SHANK1: variants seen among roughly 807,000 people sequenced by gnomAD.
SHANK1 encodes SH3 and multiple ankyrin repeat domains protein 1.
In SHANK1, 35 loss-of-function variants were observed where a neutral mutation model predicts 165.6. The observed-to-expected ratio is 0.21, with a 90% CI of 0.16 to 0.28. The LOEUF (loss-of-function observed/expected upper bound fraction) is 0.28. Among genes scored for constraint, SHANK1 ranks in the 10% least tolerant of loss-of-function variants. The probability of loss-of-function intolerance (pLI) is 1.00; values close to 1 mark genes in which losing one functional copy is unlikely to be tolerated. For synonymous variants in SHANK1, 1,428 were observed against 1,384.8 expected (o/e 1.03, Z -0.69); for missense variants, 2,681 against 3,036.4 (o/e 0.88, Z 2.75).
rs1468666109 is a variant in SHANK1 at position 50,697,916 on chromosome 19, G to A, written c.1788C>T (p.Val596=). 1 of 1,614,086 alleles carries A rather than the reference G, an allele frequency of 6.2e-7. No individual in the cohort carries two copies. The highest frequency in any genetic ancestry group is 2.2e-5 in the East Asian group (1 of 44,886). ...IGEGGFWEGQ[V]KGRVGWFPSD... is the part of the protein sequence containing the mutation. ...AGGGGAACCAGCCAACACGACCTTTGACCTGGCCTTCCCAGAAGCCTCCTT... is the reference window on the plus strand; with the variant it reads ...AGGGGAACCAGCCAACACGACCTTTAACCTGGCCTTCCCAGAAGCCTCCTT... The change falls in exon 13 of 24, where the codon GTC becomes GTT. Residue 596 remains valine (V), a synonymous_variant. Coordinates refer to ENST00000293441, the MANE Select transcript of SHANK1 (RefSeq NM_016148.5). The surrounding 1 kb of genome is among the most constrained non-coding windows in gnomAD (Gnocchi z 4.7).
At chr19:50,714,151 T>C in intron 5 of SHANK1, 31 bp downstream of exon 5, 1 of 1,599,922 alleles carries the variant, frequency 6.3e-7, no homozygotes, top group Non-Finnish European at 8.6e-7. Flanking sequence ...GTCCTGGCCC[T>C]GAGGTCCTCC....
intron 21 of SHANK1, among the ~76,000 whole-genome samples, chr19:50,679,126 A>ATGGGGAGGGGTCAGGGTG (rs1986086559): frequency 5.1e-5 from 4 of 78,032 alleles, no homozygotes; most frequent in Admixed American, 1.8e-4. Flanking sequence ...GGTCAGGGTG[A>ATGGGGAGGGGTCAGGGTG]TGGGGAGGGG....
At chr19:50,694,381 GA>G (rs1986654795) in intron 15 of SHANK1, among the ~76,000 whole-genome samples, 1 of 150,824 alleles carries the variant, frequency 6.6e-6, no homozygotes, top group Non-Finnish European at 1.5e-5. Context: ...TGAATGGGGG[GA>G]CTTGCCAACA....
Position 50,666,420 on chromosome 19 carries a change from G to C in SHANK1, c.5540C>G (p.Pro1847Arg). The change falls in exon 23 of 24, where the codon CCG becomes CGG. Residue 1847 changes from proline to arginine, a missense_variant. This residue lies in a region of SHANK1 where 1,713 missense variants were observed against 1,630.2 expected (regional missense o/e 1.05). Coordinates refer to ENST00000293441, the MANE Select transcript of SHANK1 (RefSeq NM_016148.5). ...CAAGGGCCCGGGCAGAGGTGGTGGC[G>C]GTGGGCCCGGGCCCTCCTCCCAGGG... ...LLPWEEGPGP[P>R]PPPLPGPLAQ... 3.1e-6 allele frequency: 5 copies of C among 1,611,222 alleles called. No homozygotes were observed. The highest frequency in any genetic ancestry group is 4.2e-6 in the Non-Finnish European group (5 of 1,179,218).
Position 50,668,265 on chromosome 19 carries a change from A to G in SHANK1, c.3695T>C (p.Phe1232Ser). The G allele has an allele frequency of 7.1e-7, 1 of 1,411,860 alleles. No homozygotes were observed. The highest frequency in any genetic ancestry group is 2.9e-5 in the East Asian group (1 of 34,932). The allele number at this position is 1,411,860 out of a possible 1,614,324, so 87.5% of individuals were successfully genotyped here. ...GGCCGCCCCCACCAGGGCGGCCCCG[A>G]ACTGGCTCGTGAAGTCCAGCGTGGC... ...GPATLDFTSQ[F>S]GAALVGAARR... Residue 1232 changes from phenylalanine to serine, a missense_variant, in exon 23 of 24, where the codon TTC becomes TCC. Phe to Ser is a radical substitution (Grantham distance 155, BLOSUM62 -2). Transcript: ENST00000293441.
At chr19:50,698,361 C>T (rs1176229736) in intron 12 of SHANK1, among the ~76,000 whole-genome samples, 1 of 152,150 alleles carries the variant, frequency 6.6e-6, no homozygotes, top group Non-Finnish European at 1.5e-5. Context: ...TCCCTGCCAC[C>T]TCCCAAAGTC....
intron 21 of SHANK1, among the ~76,000 whole-genome samples, chr19:50,675,668 A>T (rs527461572): frequency 1.3e-5 from 2 of 152,166 alleles, no homozygotes; most frequent in Non-Finnish European, 2.9e-5. Flanking sequence ...CATTGGTCAG[A>T]TGGAGGTAAG....
At chr19:50,671,173 T>C (rs1985777872) in intron 22 of SHANK1, among the ~76,000 whole-genome samples, 1 of 141,898 alleles carries the variant, frequency 7.0e-6, no homozygotes, top group Non-Finnish European at 1.5e-5. Context: ...CATTATTTTT[T>C]TTCACTCTTT....
At chr19:50,704,019 C>T in intron 10 of SHANK1, 101 bp downstream of exon 10, 1 of 1,264,860 alleles carries the variant, frequency 7.9e-7, no homozygotes. Context: ...TTTTCTCCAT[C>T]CTATCCTGGC....
In SHANK1 at chr19:50,667,756, C is replaced by T. The variant is rs1044126828; in HGVS notation, c.4204G>A (p.Glu1402Lys). The T allele has an allele frequency of 1.2e-5, 12 of 986,662 alleles. No individual in the cohort carries two copies. The highest frequency in any genetic ancestry group is 4.4e-4 in the Middle Eastern group (1 of 2,272). The allele number at this position is 986,662 out of a possible 1,614,324, so 61.1% of individuals were successfully genotyped here. The change falls in exon 23 of 24, where the codon GAG (glutamate) becomes AAG (lysine). Residue 1402 changes from glutamate to lysine, a missense_variant. Around this residue, in one of 10 missense-constraint regions of SHANK1, gnomAD observed 1,713 missense variants for 1,630.2 expected, o/e 1.05. Coordinates refer to ENST00000293441, the MANE Select transcript of SHANK1 (RefSeq NM_016148.5). The surrounding 1 kb of genome is among the most constrained non-coding windows in gnomAD (Gnocchi z 5.7). Reference protein sequence around the residue: ...PHHHSPHAHHEPVLRLWGASP... With the variant: ...PHHHSPHAHHKPVLRLWGASP... Reference sequence around the variant, plus strand: ...GCCCCCCAGAGACGCAGCACTGGCTCGTGGTGGGCGTGGGGCGAGTGGTGG... The same window carrying T: ...GCCCCCCAGAGACGCAGCACTGGCTTGTGGTGGGCGTGGGGCGAGTGGTGG...
In SHANK1 at chr19:50,668,050, C is replaced by A; in HGVS notation, c.3910G>T (p.Ala1304Ser). Residue 1304 changes from alanine to serine, a missense_variant, in exon 23 of 24, where the codon GCG becomes TCG. Physicochemically the swap from Ala to Ser is moderately conservative, Grantham distance 99 (BLOSUM62 1). Coordinates refer to ENST00000293441, the MANE Select transcript of SHANK1 (RefSeq NM_016148.5). ...CCGCCGTAGCCCGCGCCGCTGCCCGCAGACTCCAGTCGGAGGTAGGGCTCG... is the reference window on the plus strand; with the variant it reads ...CCGCCGTAGCCCGCGCCGCTGCCCGAAGACTCCAGTCGGAGGTAGGGCTCG... The part of the protein sequence containing the change: ...SAEPYLRLES[A>S]GSGAGYGGYG... 6.8e-7 allele frequency: 1 copy of A among 1,479,624 alleles called. No homozygotes were observed. The highest frequency in any genetic ancestry group is 8.9e-7 in the Non-Finnish European group (1 of 1,120,510). The allele number at this position is 1,479,624 out of a possible 1,614,324, so 91.7% of individuals were successfully genotyped here. A position where few individuals can be genotyped will look rare whatever the true frequency, so the allele number is the denominator to read the frequency against.
chr19:50,659,442 C>T lies in SHANK1; in HGVS notation c.*2523G>A. ...TGTACGTGGACGCCTGGGTCCCAATCCCTTGAGGGATGAACTGAAGCCCGC... is the reference window on the plus strand; with the variant it reads ...TGTACGTGGACGCCTGGGTCCCAATTCCTTGAGGGATGAACTGAAGCCCGC... On this transcript the variant is annotated 3_prime_UTR_variant, in exon 24 of 24. Coordinates refer to ENST00000293441, the MANE Select transcript of SHANK1 (RefSeq NM_016148.5). 1 of 247,916 alleles carries T rather than the reference C, an allele frequency of 4.0e-6. No individual in the cohort carries two copies. The highest frequency in any genetic ancestry group is 7.6e-6 in the Non-Finnish European group (1 of 131,038). 15.4% of individuals were successfully genotyped at this position (247,916 alleles called of 1,614,324 possible).
rs1254900480 is a variant in SHANK1, at chr19:50,660,645, G to A, written c.*1320C>T. Among the ~76,000 whole-genome samples, 10 of 149,894 alleles carry A rather than the reference G, an allele frequency of 6.7e-5. No individual in the cohort carries two copies. Among genetic ancestry groups the A allele is most frequent in the East Asian group, 5.9e-4 (3 of 5,100 alleles). Reference sequence around the variant, plus strand: ...CATCCAGGTAGAAAAGACAAGATGCGGTGTGCAGCCATGTCATGGTGCGCA... The same window carrying A: ...CATCCAGGTAGAAAAGACAAGATGCAGTGTGCAGCCATGTCATGGTGCGCA... On this transcript the variant is annotated 3_prime_UTR_variant, in exon 24 of 24. Transcript: ENST00000293441.
At chr19:50,704,799 G>A (rs1297017189) in intron 8 of SHANK1, among the ~76,000 whole-genome samples, 1 of 152,160 alleles carries the variant, frequency 6.6e-6, no homozygotes, top group Non-Finnish European at 1.5e-5. Flanking sequence ...CAGGCGTGGT[G>A]GCTCAAGCCT....
At chr19:50,695,481 G>T (rs956682023) in intron 15 of SHANK1, among the ~76,000 whole-genome samples, 2 of 150,672 alleles carry the variant, frequency 1.3e-5, no homozygotes, top group African/African-American at 4.9e-5. Context: ...AGGCTTGGAG[G>T]GGGGAGGAGA....
intron 8 of SHANK1, among the ~76,000 whole-genome samples, chr19:50,709,161 C>T (rs1057221534): frequency 1.2e-4 from 19 of 152,224 alleles, no homozygotes; most frequent in Admixed American, 9.2e-4. Flanking sequence ...TTTTTTGAGA[C>T]GGAGTCTCGC....
intron 12 of SHANK1, among the ~76,000 whole-genome samples, chr19:50,698,190 A>G (rs1279070873): frequency 6.6e-6 from 1 of 151,938 alleles, no homozygotes; most frequent in Non-Finnish European, 1.5e-5. Flanking sequence ...CGACTGTTCC[A>G]TAACATGGTC....
intron 4 of SHANK1, 92 bp from the exon 5 acceptor site, chr19:50,714,382 C>A (rs75331933): frequency 4.8e-6 from 5 of 1,040,998 alleles, no homozygotes; most frequent in South Asian, 1.4e-5. Context: ...TGAAAATATA[C>A]GTGGAGTCAC....
intron 12 of SHANK1, among the ~76,000 whole-genome samples, chr19:50,698,531 C>T (rs1986812141): frequency 6.6e-6 from 1 of 152,062 alleles, no homozygotes; most frequent in Admixed American, 6.6e-5. Flanking sequence ...CTCCCAGGCC[C>T]CACCGCTTCC....
Sources: gnomAD v4.1 joint callset for allele counts (sites outside exome capture counted in the v4.1 genomes callset) on GRCh38, gnomAD v4.1.1 for gene constraint, gnomAD v4.1.1 regional missense constraint, Gnocchi (gnomAD v3.1) non-coding constraint, MANE v1.5 for transcripts, NCBI Gene and HGNC (gene_info 2026-07-23, HGNC 2026-07-21) for gene names.